Variants in GSTK1 observed in about 807,000 individuals in gnomAD.
The protein encoded by GSTK1 is GST class-kappa.
Under a neutral mutation model 30.9 loss-of-function variants are expected in GSTK1, and 25 were observed. The ratio of observed to expected loss-of-function variants is 0.81; its 90% CI spans 0.59 to 1.13. The LOEUF (loss-of-function observed/expected upper bound fraction) is 1.13, where lower values mean the gene tolerates loss of function less well. Among genes scored for constraint, GSTK1 ranks in the 50% most tolerant of loss-of-function variants. The pLI is 0.00. For synonymous variants in GSTK1, 108 were observed against 112.5 expected (o/e 0.96, Z 0.25); for missense variants, 292 against 292.4 (o/e 1.00, Z 0.01).
In GSTK1 at chr7:143,268,800, T is replaced by A; in HGVS notation, c.644T>A (p.Met215Lys). 6.2e-7 allele frequency: 1 copy of A among 1,614,004 alleles called. No individual in the cohort carries two copies. The highest frequency in any genetic ancestry group is 8.5e-7 in the Non-Finnish European group (1 of 1,179,906). ...LLAHLLGEKW[M>K]GPIPPAVNAR... ...TTTCTTCATCCAGGAGAGAAGTGGA[T>A]GGGCCCTATACCTCCAGCCGTGAAT... The change falls in exon 8 of 8, where the codon ATG (methionine) becomes AAG (lysine). Residue 215 changes from methionine (M) to lysine (K), a missense_variant. Transcript: ENST00000358406. This position sits in a 1 kb window ranked among gnomAD's most constrained non-coding sequence, Gnocchi z 4.1.
intron 3 of GSTK1, 73 bp downstream of exon 3, chr7:143,264,749 T>C: frequency 6.3e-7 from 1 of 1,579,996 alleles, no homozygotes; most frequent in South Asian, 1.1e-5. Context: ...ATTGATAGGA[T>C]GGAGGGGCTG....
rs766111915 is a variant in GSTK1 at position 143,268,795 on chromosome 7, G to C, written c.639G>C (p.Lys213Asn). Residue 213 changes from lysine (K) to asparagine (N), a missense_variant, in exon 8 of 8, where the codon AAG becomes AAC. Lys to Asn is a moderately conservative substitution (Grantham distance 94). Transcript: ENST00000358406. The surrounding 1 kb of genome is among the most constrained non-coding windows in gnomAD (Gnocchi z 4.1). The part of the protein sequence containing the change: ...MELLAHLLGE[K>N]WMGPIPPAVN... ...GTTGTTTTCTTCATCCAGGAGAGAA[G>C]TGGATGGGCCCTATACCTCCAGCCG... 3.7e-6 allele frequency: 6 copies of C among 1,613,970 alleles called. No individual in the cohort carries two copies. The highest frequency in any genetic ancestry group is 5.1e-6 in the Non-Finnish European group (6 of 1,179,844).
At chr7:143,264,851 G>T in intron 3 of GSTK1, 141 bp from the exon 4 acceptor site, 1 of 1,246,350 alleles carries the variant, frequency 8.0e-7, no homozygotes, top group Non-Finnish European at 1.1e-6. Flanking sequence ...GGGAAGAAGA[G>T]CAGGCAAATA....
In GSTK1 at chr7:143,268,802, G is replaced by A. The variant is rs1800956815; in HGVS notation, c.646G>A (p.Gly216Ser). 6.2e-7 allele frequency: 1 copy of A among 1,613,932 alleles called. No homozygotes were observed. Reference sequence around the variant, plus strand: ...TCTTCATCCAGGAGAGAAGTGGATGGGCCCTATACCTCCAGCCGTGAATGC... The same window carrying A: ...TCTTCATCCAGGAGAGAAGTGGATGAGCCCTATACCTCCAGCCGTGAATGC... ...LAHLLGEKWMGPIPPAVNARL is the reference protein window; with the variant it reads ...LAHLLGEKWMSPIPPAVNARL Residue 216 changes from glycine to serine, a missense_variant, in exon 8 of 8, where the codon GGC (glycine) becomes AGC (serine). By Grantham distance (56) the Gly-to-Ser change is moderately conservative. Coordinates refer to ENST00000358406, the MANE Select transcript of GSTK1 (RefSeq NM_015917.3). This position sits in a 1 kb window ranked among gnomAD's most constrained non-coding sequence, Gnocchi z 4.1.
At chr7:143,266,575 T>C (rs1250590497) in intron 5 of GSTK1, among the ~76,000 whole-genome samples, 1 of 151,812 alleles carries the variant, frequency 6.6e-6, no homozygotes, top group African/African-American at 2.4e-5. Flanking sequence ...TGAATTAAAA[T>C]CACCTGGAGC....
chr7:143,266,649 CTTTCT>C (rs1800887101), intron 5 of GSTK1, among the ~76,000 whole-genome samples: 5 of 92,576 alleles, frequency 5.4e-5, no homozygotes, highest in African/African-American at 1.3e-4. Flanking sequence ...TTTTTTCTTT[CTTTCT>C]TTTTTTTTTT....
chr7:143,268,030 C>A lies in GSTK1; in HGVS notation c.538-61C>A. ...CAGAAAAGTACTGACTCAAAGGTTT[C>A]AACCCCTGCCTAATACCTGCTCCTT... is the stretch of plus-strand genomic sequence containing the variant. On this transcript the variant is annotated intron_variant, in intron 6 of 7. Coordinates refer to ENST00000358406, the MANE Select transcript of GSTK1 (RefSeq NM_015917.3). The surrounding 1 kb of genome is among the most constrained non-coding windows in gnomAD (Gnocchi z 4.1). 2 of 1,315,738 alleles carry A rather than the reference C, an allele frequency of 1.5e-6. No homozygotes were observed. The highest frequency in any genetic ancestry group is 2.2e-6 in the Non-Finnish European group (2 of 927,574). 81.5% of individuals were successfully genotyped at this position (1,315,738 alleles called of 1,614,324 possible). A position where few individuals can be genotyped will look rare whatever the true frequency, so the allele number is the denominator to read the frequency against.
chr7:143,264,899 G>A, intron 3 of GSTK1, 93 bp from the exon 4 acceptor site: 1 of 1,394,536 alleles, frequency 7.2e-7, no homozygotes, highest in Non-Finnish European at 9.9e-7. Flanking sequence ...GAGGGCGGAG[G>A]AGCTCTGGGG....
chr7:143,268,781 C>T lies in GSTK1; in HGVS notation c.632-7C>T. On this transcript the variant is annotated splice_region_variant and splice_polypyrimidine_tract_variant and intron_variant, in intron 7 of 7. Transcript: ENST00000358406. The surrounding 1 kb of genome is among the most constrained non-coding windows in gnomAD (Gnocchi z 4.1). ...AGTGTGCAGAGTCTGTTGTTTTCTTCATCCAGGAGAGAAGTGGATGGGCCC... is the reference window on the plus strand; with the variant it reads ...AGTGTGCAGAGTCTGTTGTTTTCTTTATCCAGGAGAGAAGTGGATGGGCCC... The T allele has an allele frequency of 6.2e-7, 1 of 1,613,740 alleles. No homozygotes were observed. The highest frequency in any genetic ancestry group is 8.5e-7 in the Non-Finnish European group (1 of 1,179,662).
intron 5 of GSTK1, among the ~76,000 whole-genome samples, chr7:143,265,515 C>T (rs1378498907): frequency 6.6e-6 from 1 of 152,084 alleles, no homozygotes; most frequent in Non-Finnish European, 1.5e-5. Flanking sequence ...GCAAAAGGGA[C>T]AATATATGGG....
rs1800809559 is a variant in GSTK1, at chr7:143,264,428, G to A, written c.155-120G>A. The A allele has an allele frequency of 2.8e-6, 3 of 1,066,744 alleles. No homozygotes were observed. The African/African-American group carries it at 4.8e-5, about 17-fold the overall frequency. 66.1% of individuals were successfully genotyped at this position (1,066,744 alleles called of 1,614,324 possible). On this transcript the variant is annotated intron_variant, in intron 2 of 7. Transcript: ENST00000358406. ...CATTGCACTCCAGCCTGGGCAACAA[G>A]AGCGAAACAACAAGAGAAAAAAAAG...
At position 143,269,029 on chromosome 7, in the gene GSTK1, C is replaced by T. The variant is rs1363832978; in HGVS notation, c.*192C>T. The T allele has an allele frequency of 1.6e-6, 1 of 615,372 alleles. No homozygotes were observed. Among genetic ancestry groups the T allele is most frequent in the Non-Finnish European group, 2.9e-6 (1 of 343,704 alleles). The allele number at this position is 615,372 out of a possible 1,614,324, so 38.1% of individuals were successfully genotyped here. ...ACGTCCACCATTAGCCATGTGGCAA[C>T]CTTTACTTCTATGCCTCACAAGTGC... On this transcript the variant is annotated 3_prime_UTR_variant, in exon 8 of 8. Coordinates refer to ENST00000358406, the MANE Select transcript of GSTK1 (RefSeq NM_015917.3).
At chr7:143,264,273 G>A in intron 2 of GSTK1, 106 bp downstream of exon 2, 6 of 1,010,860 alleles carry the variant, frequency 5.9e-6, no homozygotes, top group South Asian at 1.4e-5. Context: ...CCTCTGCCCC[G>A]TCTCTACTAA....
chr7:143,268,174 G>T lies in GSTK1; in HGVS notation c.621G>T (p.Ala207=). 6.2e-7 allele frequency: 1 copy of T among 1,613,330 alleles called. No individual in the cohort carries two copies. Among genetic ancestry groups the T allele is most frequent in the Non-Finnish European group, 8.5e-7 (1 of 1,179,558 alleles). Reference sequence around the variant, plus strand: ...GCTCTGACCGGATGGAGCTGCTGGCGCACCTGCTGGGTAAGTAAGTTAAAG... The same window carrying T: ...GCTCTGACCGGATGGAGCTGCTGGCTCACCTGCTGGGTAAGTAAGTTAAAG... The part of the protein sequence containing the change: ...LFGSDRMELL[A]HLLGEKWMGP... Residue 207 remains alanine, a synonymous_variant, in exon 7 of 8, where the codon GCG becomes GCT. Coordinates refer to ENST00000358406, the MANE Select transcript of GSTK1 (RefSeq NM_015917.3). The surrounding 1 kb of genome is among the most constrained non-coding windows in gnomAD (Gnocchi z 4.1).
chr7:143,264,443 A>T (rs1408241686), intron 2 of GSTK1, 105 bp from the exon 3 acceptor site: 14 of 1,182,726 alleles, frequency 1.2e-5, no homozygotes, highest in Non-Finnish European at 1.6e-5. Flanking sequence ...AAACAACAAG[A>T]GAAAAAAAAG....
At chr7:143,267,831 C>A in intron 6 of GSTK1, 98 bp downstream of exon 6, 1 of 857,150 alleles carries the variant, frequency 1.2e-6, no homozygotes, top group Non-Finnish European at 1.9e-6. Flanking sequence ...CAAAAGCCCC[C>A]TTTCCAAGTG....
intron 3 of GSTK1, 141 bp downstream of exon 3, chr7:143,264,817 A>C: frequency 7.5e-7 from 1 of 1,329,950 alleles, no homozygotes; most frequent in Non-Finnish European, 1.1e-6. Flanking sequence ...GCCTTGAGCG[A>C]GCTGAAGGTT....
At chr7:143,267,958 G>C (rs1800929359) in intron 6 of GSTK1, 133 bp from the exon 7 acceptor site, 4 of 730,144 alleles carry the variant, frequency 5.5e-6, no homozygotes, top group South Asian at 3.4e-5. Flanking sequence ...AAACAGGAAG[G>C]CACCTGGGGC....
At position 143,265,297 on chromosome 7, in the gene GSTK1, G is replaced by A. The variant is rs749511359; in HGVS notation, c.420+1G>A. ...CACCGAGCCGCAGAGCATCCTGGCG[G>A]TGAGTGTCCTGGCTCCACCCCAACT... On this transcript the variant is annotated splice_donor_variant, in intron 5 of 7. Coordinates refer to ENST00000358406, the MANE Select transcript of GSTK1 (RefSeq NM_015917.3). LOFTEE classifies it high-confidence loss of function. The A allele has an allele frequency of 6.3e-7, 1 of 1,598,508 alleles. No individual in the cohort carries two copies. Among genetic ancestry groups the A allele is most frequent in the Non-Finnish European group, 8.5e-7 (1 of 1,171,592 alleles).
Sources: gnomAD v4.1 joint callset for allele counts (sites outside exome capture counted in the v4.1 genomes callset) on GRCh38, gnomAD v4.1.1 for gene constraint, Gnocchi (gnomAD v3.1) non-coding constraint, MANE v1.5 for transcripts, NCBI Gene and HGNC (gene_info 2026-07-23, HGNC 2026-07-21) for gene names.